Variants in ADAMTS6 observed in about 807,000 individuals in gnomAD.
The protein encoded by ADAMTS6 is A disintegrin and metalloproteinase with thrombospondin motifs 6.
A neutral mutation model predicts 144.3 loss-of-function variants in ADAMTS6; 23 were observed. That is an observed-to-expected ratio of 0.16 (90% confidence interval 0.11 to 0.23). The LOEUF is 0.23. Ranked by LOEUF, ADAMTS6 falls within the 10% of genes least tolerant of loss-of-function variation. The pLI, the probability that ADAMTS6 is intolerant of heterozygous loss-of-function variation, is 1.00. For missense variants in ADAMTS6, 999 were observed against 1,379.6 expected (o/e 0.72, Z 4.37); for synonymous variants, 444 against 457.5 (o/e 0.97, Z 0.38).
At chr5:65,226,687 A>T (rs1338566170) in intron 15 of ADAMTS6, among the ~76,000 whole-genome samples, 1 of 151,844 alleles carries the variant, frequency 6.6e-6, no homozygotes, top group Non-Finnish European at 1.5e-5. Context: ...CTGAGTAGAG[A>T]TTCTCCTGCC....
rs138997912 is a variant in ADAMTS6, at chr5:65,225,045, G to A, written c.2070C>T (p.His690=). The A allele has an allele frequency of 8.7e-6, 14 of 1,613,088 alleles. No individual in the cohort carries two copies. Among genetic ancestry groups the A allele is most frequent in the Admixed American group, 6.7e-5 (4 of 59,772 alleles). The stretch of plus-strand genomic sequence containing the variant: ...ATCCCAAAATATTATCACAGCCTAC[G>A]TGCTGAAAACAGAGAGGAATATTCA... The part of the protein sequence containing the change: ...LDICINGECK[H]VGCDNILGSD... The change falls in exon 17 of 25, where the codon CAC becomes CAT. Residue 690 remains histidine, a splice_region_variant and synonymous_variant. Coordinates refer to ENST00000381055, the MANE Select transcript of ADAMTS6 (RefSeq NM_197941.4).
chr5:65,298,862 T>C (rs941780449), intron 10 of ADAMTS6, among the ~76,000 whole-genome samples: 2 of 152,124 alleles, frequency 1.3e-5, no homozygotes, highest in Admixed American at 1.3e-4. Context: ...TATCTAATCA[T>C]AGTTTTCAAA....
At chr5:65,437,098 A>ATT (rs546838256) in intron 7 of ADAMTS6, among the ~76,000 whole-genome samples, 2,183 of 141,416 alleles carry the variant, frequency 0.015, 47 homozygotes, top group African/African-American at 0.051. Flanking sequence ...GGAAACTCCC[A>ATT]TTTTTTTTTT....
intron 7 of ADAMTS6, among the ~76,000 whole-genome samples, chr5:65,431,492 C>T (rs1756994974): frequency 6.6e-6 from 1 of 152,028 alleles, no homozygotes; most frequent in African/African-American, 2.4e-5. Context: ...CTAATTTAGC[C>T]CATGCTATGT....
intron 11 of ADAMTS6, among the ~76,000 whole-genome samples, chr5:65,289,629 A>G (rs1546119): frequency 0.031 from 4,785 of 152,278 alleles, 257 homozygotes; most frequent in African/African-American, 0.11. Context: ...ACTGAATTAG[A>G]TATATAGATA....
chr5:65,257,494 T>C (rs541647793), intron 14 of ADAMTS6, among the ~76,000 whole-genome samples: 8 of 152,308 alleles, frequency 5.3e-5, no homozygotes, highest in Admixed American at 3.3e-4. Flanking sequence ...GACTCCACTG[T>C]TATTCCTAGC....
At chr5:65,319,744 GGAAGGAAGGAAGGAAGGAA>G (rs1745398582) in intron 9 of ADAMTS6, among the ~76,000 whole-genome samples, 2 of 41,552 alleles carry the variant, frequency 4.8e-5, no homozygotes, top group African/African-American at 2.4e-4. Flanking sequence ...AGGGAGGGAA[GGAAGGAAGGAAGGAAGGAA>G]GGAAGGAAGG....
At chr5:65,437,354 A>G (rs546968326) in intron 7 of ADAMTS6, among the ~76,000 whole-genome samples, 1 of 152,178 alleles carries the variant, frequency 6.6e-6, no homozygotes, top group Non-Finnish European at 1.5e-5. Flanking sequence ...TCAGCCTCCC[A>G]AAGTGCTGGG....
rs543476773 is a variant in ADAMTS6 at position 65,197,904 on chromosome 5, A to C, written c.2576-753T>G. Among the ~76,000 whole-genome samples, 6 of 152,320 alleles carry C rather than the reference A, an allele frequency of 3.9e-5. No homozygotes were observed. In the East Asian group the frequency reaches 7.7e-4, roughly 20 times the overall value. ...TTCTCATACAGTTTATAAAATATTA[A>C]ATATATGTCAATTATTGGCAAAGAT... is the stretch of plus-strand genomic sequence containing the variant. On this transcript the variant is annotated intron_variant, in intron 20 of 24. Transcript: ENST00000381055.
At chr5:65,223,801 ATT>A (rs774556245) in intron 18 of ADAMTS6, among the ~76,000 whole-genome samples, 6 of 137,860 alleles carry the variant, frequency 4.4e-5, no homozygotes, top group Admixed American at 7.3e-5. Flanking sequence ...TGAGATAGTG[ATT>A]TTTTTTTTTT....
rs574372637 is a variant in ADAMTS6 at position 65,381,172 on chromosome 5, GTCTC to G, written c.1074-47091_1074-47088del. On this transcript the variant is annotated intron_variant, in intron 7 of 24. Transcript: ENST00000381055. ...ATATACTAAATGATTCTCTCTCTTTGTCTCTCTCTCTTGTTCTCTCTTCCTCACC... is the reference window on the plus strand; with the variant it reads ...ATATACTAAATGATTCTCTCTCTTTGTCTCTCTTGTTCTCTCTTCCTCACC... 2.5e-4 allele frequency among the ~76,000 whole-genome samples: 38 copies of G among 151,896 alleles called. No individual in the cohort carries two copies. In the South Asian group the frequency reaches 5.8e-3, roughly 23 times the overall value.
At chr5:65,301,221 T>G (rs922954765) in intron 9 of ADAMTS6, among the ~76,000 whole-genome samples, 1 of 152,236 alleles carries the variant, frequency 6.6e-6, no homozygotes, top group Non-Finnish European at 1.5e-5. Flanking sequence ...TGTATGTGTT[T>G]ATACAATGTA....
chr5:65,375,062 G>C (rs1456724302), intron 7 of ADAMTS6, among the ~76,000 whole-genome samples: 1 of 152,184 alleles, frequency 6.6e-6, no homozygotes, highest in Admixed American at 6.6e-5. Context: ...GCCATATGTA[G>C]AAAGCTGAAA....
chr5:65,231,773 T>C (rs1349100648), intron 15 of ADAMTS6, among the ~76,000 whole-genome samples: 1 of 152,024 alleles, frequency 6.6e-6, no homozygotes, highest in South Asian at 2.1e-4. Context: ...TCCTGAACCA[T>C]CAATGGGCCA....
chr5:65,179,148 A>G (rs1754172051), intron 22 of ADAMTS6, among the ~76,000 whole-genome samples: 2 of 152,356 alleles, frequency 1.3e-5, no homozygotes, highest in African/African-American at 4.8e-5. Flanking sequence ...GGACTTGTAC[A>G]GTAAGGACTT....
intron 7 of ADAMTS6, among the ~76,000 whole-genome samples, chr5:65,431,142 C>T (rs147676682): frequency 2.4e-4 from 36 of 152,214 alleles, no homozygotes; most frequent in African/African-American, 8.7e-4. Context: ...TCTACAGCCT[C>T]AAAATTATTT....
intron 21 of ADAMTS6, among the ~76,000 whole-genome samples, chr5:65,191,862 CA>C (rs1755034948): frequency 6.6e-6 from 1 of 152,000 alleles, no homozygotes; most frequent in African/African-American, 2.4e-5. Context: ...GTCAATGAAG[CA>C]AGCAAAATTA....
intron 21 of ADAMTS6, among the ~76,000 whole-genome samples, chr5:65,192,662 T>C (rs1177513200): frequency 6.6e-6 from 1 of 151,696 alleles, no homozygotes; most frequent in African/African-American, 2.4e-5. Context: ...CCTTTTTTTT[T>C]TTTCCAGTTA....
intron 1 of ADAMTS6, among the ~76,000 whole-genome samples, chr5:65,475,239 C>T (rs1010460169): frequency 2.6e-5 from 4 of 152,096 alleles, no homozygotes; most frequent in African/African-American, 4.8e-5. Context: ...TCATTCCCTA[C>T]GGTGATAGAA....
Sources: allele counts gnomAD v4.1 joint callset (sites outside exome capture counted in the v4.1 genomes callset), GRCh38; gene constraint gnomAD v4.1.1; transcripts MANE v1.5; gene names NCBI Gene and HGNC (gene_info 2026-07-23, HGNC 2026-07-21).